Variants in ECM2 observed in about 807,000 individuals in gnomAD.
ECM2 encodes extracellular matrix protein 2, female organ and adipocyte specific.
Under a neutral mutation model 67.5 loss-of-function variants are expected in ECM2, and 57 were observed. That is an observed-to-expected ratio of 0.84 (90% CI 0.68 to 1.05). ECM2 has a LOEUF of 1.05. Ranked by LOEUF, ECM2 falls within the 50% of genes least tolerant of loss-of-function variation. The probability of loss-of-function intolerance (pLI) is 0.00; values close to 1 mark genes in which losing one functional copy is unlikely to be tolerated. For synonymous variants in ECM2, 258 were observed against 294.5 expected (o/e 0.88, Z 1.27); for missense variants, 741 against 822.8 (o/e 0.90, Z 1.22).
the ECM2 span, among the ~76,000 whole-genome samples, chr9:92,549,551 G>A: frequency 0.011 from 1,643 of 151,876 alleles, 40 homozygotes; most frequent in African/African-American, 0.038. Flanking sequence ...GGAGGCTGAG[G>A]CAGGACAATC....
chr9:92,511,571 C>G (rs777174397), intron 5 of ECM2, among the ~76,000 whole-genome samples: 8 of 151,966 alleles, frequency 5.3e-5, no homozygotes, highest in Non-Finnish European at 1.2e-4. Flanking sequence ...TTCCAGAACC[C>G]CCTTCTGCCA....
intron 9 of ECM2, among the ~76,000 whole-genome samples, chr9:92,498,987 G>C (rs1257549541): frequency 1.3e-5 from 2 of 152,132 alleles, no homozygotes; most frequent in Non-Finnish European, 2.9e-5. Context: ...CAATTGAAAG[G>C]ACCACGTCTC....
intron 6 of ECM2, among the ~76,000 whole-genome samples, chr9:92,506,565 G>C (rs1000568103): frequency 1.3e-5 from 2 of 152,158 alleles, no homozygotes; most frequent in African/African-American, 4.8e-5. Context: ...CCCTTCATGG[G>C]CATTGCACCG....
At chr9:92,557,042 C>T in the ECM2 span, among the ~76,000 whole-genome samples, 1 of 152,186 alleles carries the variant, frequency 6.6e-6, no homozygotes, top group Non-Finnish European at 1.5e-5. Context: ...CGAATTCTCT[C>T]AGCATTTGTT....
At chr9:92,536,885 T>TTTA (rs1849189530), upstream of ECM2, among the ~76,000 whole-genome samples, 2 of 151,360 alleles carry the variant, frequency 1.3e-5, no homozygotes, top group African/African-American at 2.4e-5. Flanking sequence ...TTTTTTTTTT[T>TTTA]GAGACGGGAG....
At chr9:92,542,860 ATTC>A in the ECM2 span, among the ~76,000 whole-genome samples, 1 of 152,162 alleles carries the variant, frequency 6.6e-6, no homozygotes, top group East Asian at 1.9e-4. Context: ...CTTACATTTA[ATTC>A]ATTAATCTAT....
chr9:92,517,446 G>A, intron 3 of ECM2: 2 of 604,832 alleles, frequency 3.3e-6, no homozygotes, highest in South Asian at 4.2e-5. Flanking sequence ...AATGTGGAAT[G>A]TAATCTCATC....
At chr9:92,536,355 G>C (rs1196697314), upstream of ECM2, among the ~76,000 whole-genome samples, 1 of 152,106 alleles carries the variant, frequency 6.6e-6, no homozygotes, top group East Asian at 1.9e-4. Context: ...GATGTCACTT[G>C]AGCTTTATCA....
chr9:92,518,397 A>C (rs1043987735), intron 2 of ECM2, among the ~76,000 whole-genome samples: 2 of 152,144 alleles, frequency 1.3e-5, no homozygotes, highest in African/African-American at 4.8e-5. Flanking sequence ...CCAAGCCGCC[A>C]GCCAATCCAG....
chr9:92,557,846 T>C, the ECM2 span, among the ~76,000 whole-genome samples: 2 of 152,148 alleles, frequency 1.3e-5, no homozygotes, highest in Admixed American at 1.3e-4. Flanking sequence ...GATTTCAACA[T>C]GTTGGCCAGG....
In ECM2 at chr9:92,522,598, T is replaced by A; in HGVS notation, c.269A>T (p.Glu90Val). The change falls in exon 2 of 10, where the codon GAA (glutamate) becomes GTA (valine). Residue 90 changes from glutamate to valine, a missense_variant. Glu to Val is a moderately radical substitution (Grantham distance 121, BLOSUM62 -2). Coordinates refer to ENST00000344604, the MANE Select transcript of ECM2 (RefSeq NM_001393.4). ...ACCTGGTAACACATTATAACTTGATTCTACTCCAGGAAAACTTGAAAAGGA... is the reference window on the plus strand; with the variant it reads ...ACCTGGTAACACATTATAACTTGATACTACTCCAGGAAAACTTGAAAAGGA... ...FESFSSFPGVESSYNVLPGKK... is the reference protein window; with the variant it reads ...FESFSSFPGVVSSYNVLPGKK... The A allele has an allele frequency of 6.2e-7, 1 of 1,613,264 alleles. No homozygotes were observed. Among genetic ancestry groups the A allele is most frequent in the South Asian group, 1.1e-5 (1 of 90,972 alleles).
intron 3 of ECM2, 137 bp downstream of exon 3, chr9:92,517,550 A>T: frequency 1.7e-6 from 2 of 1,144,408 alleles, no homozygotes; most frequent in Non-Finnish European, 2.5e-6. Context: ...TTTCTATGTT[A>T]ATCAGCATTT....
Position 92,501,011 on chromosome 9 carries a change from G to A in ECM2, c.1647C>T (p.His549=), listed in dbSNP as rs557095017. 6.1e-5 allele frequency: 98 copies of A among 1,614,162 alleles called. No individual in the cohort carries two copies. The Admixed American group carries it at 1.0e-3, about 17-fold the overall frequency. The change falls in exon 9 of 10, where the codon CAC becomes CAT. Residue 549 remains histidine, a synonymous_variant. Transcript: ENST00000344604. Reference sequence around the variant, plus strand: ...AGGACTTGGGTAGATAGGACGGGACGTGATAGAGCTTGTTGTAGGAGAGAT... The same window carrying A: ...AGGACTTGGGTAGATAGGACGGGACATGATAGAGCTTGTTGTAGGAGAGAT... ...SIDLSYNKLY[H]VPSYLPKSLL... is the part of the protein sequence containing the mutation.
intron 4 of ECM2, 82 bp from the exon 5 acceptor site, chr9:92,512,208 A>C (rs1847392788): frequency 1.2e-6 from 1 of 811,456 alleles, no homozygotes. Flanking sequence ...GTGCATAGAT[A>C]TCAAGAGAGA....
chr9:92,531,221 C>A (rs1351402021), intron 1 of ECM2, among the ~76,000 whole-genome samples: 1 of 151,874 alleles, frequency 6.6e-6, no homozygotes, highest in Admixed American at 6.6e-5. Context: ...TTCTTTTTAA[C>A]TTGTTGCTTG....
the ECM2 span, among the ~76,000 whole-genome samples, chr9:92,555,475 C>T: frequency 6.6e-6 from 1 of 151,878 alleles, no homozygotes; most frequent in Admixed American, 6.6e-5. Flanking sequence ...GTGATCCACC[C>T]GTCTCAGCCT....
rs767576492 is a variant in ECM2, at chr9:92,500,780, C to A, written c.1878G>T (p.Gly626=). 5.6e-6 allele frequency: 9 copies of A among 1,614,052 alleles called. No individual in the cohort carries two copies. The South Asian group carries it at 6.6e-5, about 12-fold the overall frequency. The change falls in exon 9 of 10, where the codon GGG becomes GGT. Residue 626 remains glycine (G), a synonymous_variant. Coordinates refer to ENST00000344604, the MANE Select transcript of ECM2 (RefSeq NM_001393.4). The part of the protein sequence containing the change: ...DHNDLKSIPP[G]IQEMKALHFL... ...AATGTAGTGCTTTCATTTCTTGTAT[C>A]CCAGGTGGTATAGATTTTAAGTCAT...
chr9:92,540,514 T>G (rs1420843121), upstream of ECM2, among the ~76,000 whole-genome samples: 1 of 151,900 alleles, frequency 6.6e-6, no homozygotes, highest in African/African-American at 2.4e-5. Flanking sequence ...GGCTCATGCC[T>G]GTAATCCCAG....
At position 92,515,159 on chromosome 9, in the gene ECM2, C is replaced by G; in HGVS notation, c.526G>C (p.Glu176Gln). ...TGTTCTGAAGAATCACCAGAAAATT[C>G]ATTTCTATCATTTAATGCTATACCA... ...LSGIALNDRN[E>Q]FSGDSSEQRE... Residue 176 changes from glutamate (E) to glutamine (Q), a missense_variant, in exon 4 of 10, where the codon GAA (glutamate) becomes CAA (glutamine). Transcript: ENST00000344604. 6.2e-7 allele frequency: 1 copy of G among 1,608,650 alleles called. No homozygotes were observed. Among genetic ancestry groups the G allele is most frequent in the Middle Eastern group, 1.7e-4 (1 of 5,970 alleles).
Sources: gnomAD v4.1 joint callset for allele counts (sites outside exome capture counted in the v4.1 genomes callset) on GRCh38, gnomAD v4.1.1 for gene constraint, MANE v1.5 for transcripts, NCBI Gene and HGNC (gene_info 2026-07-23, HGNC 2026-07-21) for gene names.